SCHIP1: variants seen among roughly 807,000 people sequenced by gnomAD.
The protein encoded by SCHIP1 is schwannomin interacting protein 1, also known as schwannomin-interacting protein 1.
A neutral mutation model predicts 29.7 loss-of-function variants in SCHIP1; 8 were observed. The ratio of observed to expected loss-of-function variants is 0.27; its 90% CI spans 0.16 to 0.49. SCHIP1 has a LOEUF of 0.49. Among genes scored for constraint, SCHIP1 ranks in the 20% least tolerant of loss-of-function variants. The pLI, the probability that SCHIP1 is intolerant of heterozygous loss-of-function variation, is 0.99. For synonymous variants in SCHIP1, 76 were observed against 94.9 expected (o/e 0.80, Z 1.16); for missense variants, 193 against 294.6 (o/e 0.66, Z 2.52).
At chr3:159,805,643 C>T in the SCHIP1 span, among the ~76,000 whole-genome samples, 2 of 152,078 alleles carry the variant, frequency 1.3e-5, no homozygotes. Flanking sequence ...AGGGTGGGGC[C>T]TAAGTGCAAA....
the SCHIP1 span, among the ~76,000 whole-genome samples, chr3:159,402,760 A>G: frequency 1.3e-5 from 2 of 152,122 alleles, no homozygotes; most frequent in African/African-American, 4.8e-5. Flanking sequence ...GAAGGCGAAC[A>G]TCACACACTG....
At chr3:159,896,127 G>A (rs1451000745) in intron 6 of SCHIP1, among the ~76,000 whole-genome samples, 1 of 152,210 alleles carries the variant, frequency 6.6e-6, no homozygotes, top group Non-Finnish European at 1.5e-5. Flanking sequence ...CCATTTGTTA[G>A]ACATTGGCTT....
At chr3:159,410,225 T>A in the SCHIP1 span, among the ~76,000 whole-genome samples, 1 of 152,034 alleles carries the variant, frequency 6.6e-6, no homozygotes, top group Non-Finnish European at 1.5e-5. Flanking sequence ...GAGCAAAAAT[T>A]TCTTGAGTAA....
the SCHIP1 span, chr3:159,765,278 C>G: frequency 1.0e-6 from 1 of 997,002 alleles, no homozygotes; most frequent in Non-Finnish European, 1.4e-6. Flanking sequence ...GGCCAGAGAG[C>G]CTGCCGTCTG....
the SCHIP1 span, among the ~76,000 whole-genome samples, chr3:159,626,117 G>C: frequency 8.6e-6 from 1 of 115,646 alleles, no homozygotes; most frequent in African/African-American, 6.5e-5. Flanking sequence ...TAGATAGATA[G>C]ATAGATAGAT....
chr3:159,293,311 G>A, the SCHIP1 span, among the ~76,000 whole-genome samples: 1 of 152,136 alleles, frequency 6.6e-6, no homozygotes, highest in African/African-American at 2.4e-5. Context: ...TGTGGATATG[G>A]GTACCAAATC....
the SCHIP1 span, among the ~76,000 whole-genome samples, chr3:159,766,805 A>G: frequency 1.6e-4 from 24 of 152,312 alleles, no homozygotes; most frequent in African/African-American, 5.8e-4. Context: ...GGGTAGGGAT[A>G]CAGACTGCCT....
chr3:159,328,495 G>C, the SCHIP1 span, among the ~76,000 whole-genome samples: 1 of 151,968 alleles, frequency 6.6e-6, no homozygotes, highest in Admixed American at 6.6e-5. Context: ...TTTTCAAAAA[G>C]GCTATGTAGA....
chr3:159,611,521 G>T, the SCHIP1 span, among the ~76,000 whole-genome samples: 3 of 147,376 alleles, frequency 2.0e-5, no homozygotes, highest in East Asian at 4.0e-4. Flanking sequence ...ATACACCAGG[G>T]CGTGTTGGGG....
chr3:159,613,495 TA>T, the SCHIP1 span, among the ~76,000 whole-genome samples: 1 of 152,270 alleles, frequency 6.6e-6, no homozygotes, highest in African/African-American at 2.4e-5. Flanking sequence ...TGATCTCACT[TA>T]AAACTTCAAA....
chr3:159,365,866 C>G, the SCHIP1 span, among the ~76,000 whole-genome samples: 1 of 152,162 alleles, frequency 6.6e-6, no homozygotes, highest in Non-Finnish European at 1.5e-5. Flanking sequence ...GACCCCCTCT[C>G]TTGATTTTTA....
chr3:159,698,485 T>C, the SCHIP1 span, among the ~76,000 whole-genome samples: 26 of 152,300 alleles, frequency 1.7e-4, no homozygotes, highest in South Asian at 4.6e-3. Context: ...TACGAGTGCA[T>C]TGTGGCAGAA....
chr3:159,331,130 G>A, the SCHIP1 span, among the ~76,000 whole-genome samples: 6 of 152,188 alleles, frequency 3.9e-5, no homozygotes, highest in African/African-American at 1.2e-4. Context: ...GGGGAGGGAA[G>A]ATGTGATATG....
chr3:159,329,205 C>A, the SCHIP1 span, among the ~76,000 whole-genome samples: 1 of 152,084 alleles, frequency 6.6e-6, no homozygotes, highest in African/African-American at 2.4e-5. Context: ...ACACACACAA[C>A]CATACTAACA....
chr3:159,277,927 A>G, the SCHIP1 span, among the ~76,000 whole-genome samples: 2 of 152,054 alleles, frequency 1.3e-5, no homozygotes, highest in African/African-American at 2.4e-5. Flanking sequence ...AGAAAAAAAA[A>G]AAAGGATGGA....
the SCHIP1 span, among the ~76,000 whole-genome samples, chr3:159,743,216 G>C: frequency 6.6e-6 from 1 of 152,120 alleles, no homozygotes; most frequent in African/African-American, 2.4e-5. Context: ...TGGTTTTTCT[G>C]AGTCTGGATT....
the SCHIP1 span, among the ~76,000 whole-genome samples, chr3:159,685,641 G>A: frequency 4.6e-5 from 7 of 152,110 alleles, no homozygotes; most frequent in African/African-American, 1.4e-4. Context: ...AAAGTACAAA[G>A]AGCTTTAAAA....
chr3:159,517,962 T>C, the SCHIP1 span, among the ~76,000 whole-genome samples: 1 of 152,120 alleles, frequency 6.6e-6, no homozygotes, highest in Non-Finnish European at 1.5e-5. Flanking sequence ...GTATTATTGA[T>C]AATAACACAA....
At chr3:159,330,005 T>A in the SCHIP1 span, among the ~76,000 whole-genome samples, 4,028 of 152,280 alleles carry the variant, frequency 0.026, 174 homozygotes, top group African/African-American at 0.092. Context: ...TAATTGTCAA[T>A]ATGTGCAGTT....
Sources: allele counts gnomAD v4.1 joint callset (sites outside exome capture counted in the v4.1 genomes callset), GRCh38; gene constraint gnomAD v4.1.1; transcripts MANE v1.5; gene names NCBI Gene and HGNC (gene_info 2026-07-23, HGNC 2026-07-21).